Variants in SPNS3 observed in about 807,000 individuals in gnomAD.
SPNS3 encodes SPNS lysolipid transporter 3, sphingosine-1-phosphate (putative).
A neutral mutation model predicts 54.4 loss-of-function variants in SPNS3; 51 were observed. That is an observed-to-expected ratio of 0.94 (90% CI 0.75 to 1.18). SPNS3 has a LOEUF of 1.18. SPNS3 is among the 50% of genes most tolerant of loss of function. SPNS3 has a pLI of 0.00. For missense variants in SPNS3, 669 were observed against 677.4 expected, an observed-to-expected ratio of 0.99 and a Z score of 0.14; for synonymous variants, 309 against 294.7, an observed-to-expected ratio of 1.05 and a Z score of -0.50.
chr17:4,477,025 C>T (rs62064889), intron 8 of SPNS3, among the ~76,000 whole-genome samples: 30,043 of 152,144 alleles, frequency 0.2, 3,022 homozygotes, highest in Middle Eastern at 0.3. Flanking sequence ...CCACCTCTGT[C>T]CAGGGGCCCC....
At chr17:4,477,503 T>C (rs1448485752) in intron 8 of SPNS3, among the ~76,000 whole-genome samples, 1 of 142,168 alleles carries the variant, frequency 7.0e-6, no homozygotes. Flanking sequence ...TTTCTCTCTT[T>C]CTTCTTGCTG....
In SPNS3 at chr17:4,451,344, C is replaced by T. The variant is rs556404728; in HGVS notation, c.924-1672C>T. On this transcript the variant is annotated intron_variant, in intron 7 of 11. Transcript: ENST00000355530. ...TCGGCTCACTGCAACCTCGGCCTCC[C>T]GGGTTCAAGCGATTCTCCTGCCTCA... 2.7e-4 allele frequency among the ~76,000 whole-genome samples: 41 copies of T among 151,752 alleles called. No homozygotes were observed. In the East Asian group the frequency reaches 3.1e-3, roughly 12 times the overall value.
chr17:4,476,682 G>T (rs563855875), intron 8 of SPNS3, among the ~76,000 whole-genome samples: 1 of 152,178 alleles, frequency 6.6e-6, no homozygotes, highest in Admixed American at 6.5e-5. Flanking sequence ...GCCTGCCAGC[G>T]ACTTCCTGAT....
Position 4,486,149 on chromosome 17 carries a change from C to A in SPNS3, c.1180-79C>A. On this transcript the variant is annotated intron_variant, in intron 9 of 11. Transcript: ENST00000355530. This position sits in a 1 kb window ranked among gnomAD's most constrained non-coding sequence, Gnocchi z 5.5. Reference sequence around the variant, plus strand: ...CTGAATGGCCTGTCACTCCTCCAGGCAGGTCCTTGGCAGGTGGGGAACAGC... The same window carrying A: ...CTGAATGGCCTGTCACTCCTCCAGGAAGGTCCTTGGCAGGTGGGGAACAGC... The A allele has an allele frequency of 7.7e-7, 1 of 1,303,608 alleles. No homozygotes were observed. Among genetic ancestry groups the A allele is most frequent in the Non-Finnish European group, 1.0e-6 (1 of 977,064 alleles). The allele number at this position is 1,303,608 out of a possible 1,614,324, so 80.8% of individuals were successfully genotyped here.
chr17:4,473,670 G>A (rs1383076960), intron 8 of SPNS3, among the ~76,000 whole-genome samples: 3 of 152,144 alleles, frequency 2.0e-5, no homozygotes, highest in Non-Finnish European at 2.9e-5. Flanking sequence ...TTACAGGTGG[G>A]AGCCACTGTG....
chr17:4,485,408 T>A (rs572561421), intron 9 of SPNS3, among the ~76,000 whole-genome samples: 111 of 151,964 alleles, frequency 7.3e-4, no homozygotes, highest in East Asian at 1.2e-3. Flanking sequence ...TTATTTTTTT[T>A]TTTTTTGAGA....
At chr17:4,441,941 T>C (rs1047961288) in intron 2 of SPNS3, among the ~76,000 whole-genome samples, 1 of 150,468 alleles carries the variant, frequency 6.6e-6, no homozygotes, top group Non-Finnish European at 1.5e-5. Flanking sequence ...CTTACCGTAG[T>C]GGTCAAGATT....
At position 4,448,153 on chromosome 17, in the gene SPNS3, A is replaced by G. The variant is rs779103668; in HGVS notation, c.622-2A>G. On this transcript the variant is annotated splice_acceptor_variant, in intron 5 of 11. Transcript: ENST00000355530. LOFTEE classifies it high-confidence loss of function. ...GAGCTTCCTGGGCCCTCCTGTCCCC[A>G]GGTCATGCCCTGCCTGGAGGCCGTG... 9 of 1,582,300 alleles carry G rather than the reference A, an allele frequency of 5.7e-6. No homozygotes were observed. The East Asian group carries it at 2.1e-4, about 37-fold the overall frequency.
At chr17:4,462,174 C>T (rs1282311105) in intron 8 of SPNS3, among the ~76,000 whole-genome samples, 6 of 48 alleles carry the variant, frequency 0.12, no homozygotes, top group Admixed American at 0.25. Flanking sequence ...TCCATCCATC[C>T]ATCCATCCAT....
chr17:4,449,299 T>C lies in SPNS3; in HGVS notation c.835T>C (p.Phe279Leu), dbSNP rs1190462572. The change falls in exon 7 of 12, where the codon TTC (phenylalanine) becomes CTC (leucine). Residue 279 changes from phenylalanine to leucine, a missense_variant. By Grantham distance (22) the Phe-to-Leu change is conservative (BLOSUM62 0). Coordinates refer to ENST00000355530, the MANE Select transcript of SPNS3 (RefSeq NM_182538.5). ...GGCCTTTGTGACTGGAGCCCTGGGG[T>C]TCTGGGCCCCCAAGTTTCTGCTCGA... ...AMAFVTGALG[F>L]WAPKFLLEAR... 1 of 1,612,316 alleles carries C rather than the reference T, an allele frequency of 6.2e-7. No homozygotes were observed.
At chr17:4,452,353 CT>C (rs1249967457) in intron 7 of SPNS3, among the ~76,000 whole-genome samples, 1 of 152,080 alleles carries the variant, frequency 6.6e-6, no homozygotes, top group Non-Finnish European at 1.5e-5. Context: ...CCTGGGGAGC[CT>C]TTGTGGAGGT....
intron 8 of SPNS3, among the ~76,000 whole-genome samples, chr17:4,459,787 G>A (rs1971446910): frequency 6.6e-6 from 1 of 151,780 alleles, no homozygotes; most frequent in Non-Finnish European, 1.5e-5. Context: ...TCTGTCCTGA[G>A]AGAACTTACA....
At chr17:4,441,901 C>T (rs1196166185) in intron 2 of SPNS3, among the ~76,000 whole-genome samples, 1 of 151,800 alleles carries the variant, frequency 6.6e-6, no homozygotes, top group Non-Finnish European at 1.5e-5. Flanking sequence ...AGACGTGAGC[C>T]ACCACACTGG....
chr17:4,448,353 G>A, intron 6 of SPNS3, 50 bp downstream of exon 6: 2 of 1,440,414 alleles, frequency 1.4e-6, no homozygotes, highest in Non-Finnish European at 1.8e-6. Flanking sequence ...CCGTTTGTCT[G>A]CCCCAGCATC....
chr17:4,478,530 T>A (rs1972071246), intron 8 of SPNS3, 42 bp from the exon 9 acceptor site: 1 of 1,546,004 alleles, frequency 6.5e-7, no homozygotes, highest in Non-Finnish European at 8.8e-7. Context: ...GGTTGGTGAC[T>A]GGGATCTGGG....
In SPNS3 at chr17:4,453,085, G is replaced by A. The variant is rs747597611; in HGVS notation, c.993G>A (p.Arg331=). The A allele has an allele frequency of 1.4e-5, 22 of 1,614,072 alleles. No homozygotes were observed. Among genetic ancestry groups the A allele is most frequent in the Non-Finnish European group, 1.8e-5 (21 of 1,179,984 alleles). The change falls in exon 8 of 12, where the codon AGG becomes AGA. Residue 331 remains arginine (R), a synonymous_variant. Transcript: ENST00000355530. ...TCATCTTGGGGGCAGAAGCTGCGAGGAGGTACAAGAAAGTCATTCCAGGAG... is the reference window on the plus strand; with the variant it reads ...TCATCTTGGGGGCAGAAGCTGCGAGAAGGTACAAGAAAGTCATTCCAGGAG... The part of the protein sequence containing the change: ...IGVILGAEAA[R]RYKKVIPGAE...
At chr17:4,437,198 G>A (rs958542045) in intron 1 of SPNS3, among the ~76,000 whole-genome samples, 1 of 152,150 alleles carries the variant, frequency 6.6e-6, no homozygotes, top group African/African-American at 2.4e-5. Flanking sequence ...ATGAAAGCAA[G>A]GGTGGGTGCA....
intron 2 of SPNS3, among the ~76,000 whole-genome samples, chr17:4,442,541 CAAAA>C (rs1203878548): frequency 6.9e-6 from 1 of 143,966 alleles, no homozygotes; most frequent in Non-Finnish European, 1.5e-5. Flanking sequence ...AAAAAAAAAA[CAAAA>C]AAAGAGAAGA....
intron 9 of SPNS3, among the ~76,000 whole-genome samples, chr17:4,481,305 G>A (rs904086649): frequency 2.0e-5 from 3 of 152,032 alleles, no homozygotes; most frequent in African/African-American, 7.3e-5. Context: ...CAGAGCAGGG[G>A]CAGGAAGTGT....
Sources: gnomAD v4.1 joint callset for allele counts (sites outside exome capture counted in the v4.1 genomes callset) on GRCh38, gnomAD v4.1.1 for gene constraint, Gnocchi (gnomAD v3.1) non-coding constraint, MANE v1.5 for transcripts, NCBI Gene and HGNC (gene_info 2026-07-23, HGNC 2026-07-21) for gene names.